TESK2: variants seen among roughly 807,000 people sequenced by gnomAD.
TESK2 encodes the protein testis associated actin remodelling kinase 2.
Under a neutral mutation model 57.1 loss-of-function variants are expected in TESK2, and 39 were observed. The observed-to-expected ratio is 0.68, with a 90% CI of 0.53 to 0.89. The LOEUF is 0.89. TESK2 is among the 40% of genes least tolerant of loss of function. The pLI, the probability that TESK2 is intolerant of heterozygous loss-of-function variation, is 0.00. For synonymous variants in TESK2, 249 were observed against 267.9 expected (o/e 0.93, Z 0.69); for missense variants, 646 against 732.1 (o/e 0.88, Z 1.36).
chr1:45,391,652 G>A (rs1023526551), intron 3 of TESK2, among the ~76,000 whole-genome samples: 5 of 152,014 alleles, frequency 3.3e-5, no homozygotes, highest in Non-Finnish European at 7.4e-5. Context: ...TCCTTGAATT[G>A]GAATACTATA....
intron 1 of TESK2, among the ~76,000 whole-genome samples, chr1:45,471,132 G>A (rs1652747673): frequency 6.6e-6 from 1 of 152,066 alleles, no homozygotes; most frequent in Non-Finnish European, 1.5e-5. Flanking sequence ...TCAGGAGGCT[G>A]AGGCAGAAGA....
chr1:45,425,917 G>C (rs1650672056), intron 2 of TESK2, among the ~76,000 whole-genome samples: 1 of 151,992 alleles, frequency 6.6e-6, no homozygotes, highest in Admixed American at 6.6e-5. Context: ...GGCCGAGGTG[G>C]GTGGATCACC....
At chr1:45,451,962 G>A (rs752894125) in intron 2 of TESK2, among the ~76,000 whole-genome samples, 12 of 147,230 alleles carry the variant, frequency 8.2e-5, no homozygotes, top group Non-Finnish European at 1.6e-4. Context: ...GAATCCGGGA[G>A]GCAGAGGTTG....
In TESK2 at chr1:45,346,699, G is replaced by A. The variant is rs969513226; in HGVS notation, c.873C>T (p.Cys291=). The change falls in exon 9 of 11, where the codon TGC becomes TGT. Residue 291 remains cysteine, a synonymous_variant. Coordinates refer to ENST00000372086, the MANE Select transcript of TESK2 (RefSeq NM_007170.3). ...PPDFLQLTFN[C]CNMDPKLRPS... ...GAGGGAGAAAGACACTCACGTTACA[G>A]CAGTTGAAAGTAAGTTGCAGAAAAT... The A allele has an allele frequency of 6.2e-7, 1 of 1,613,104 alleles. No individual in the cohort carries two copies. The highest frequency in any genetic ancestry group is 1.3e-5 in the African/African-American group (1 of 74,894).
At chr1:45,439,531 C>T (rs1651356234) in intron 2 of TESK2, among the ~76,000 whole-genome samples, 1 of 152,132 alleles carries the variant, frequency 6.6e-6, no homozygotes, top group Non-Finnish European at 1.5e-5. Context: ...TATTCTAATG[C>T]TTTACGCATA....
intron 1 of TESK2, among the ~76,000 whole-genome samples, chr1:45,473,589 A>G (rs1239015953): frequency 6.6e-6 from 1 of 152,216 alleles, no homozygotes; most frequent in Admixed American, 6.6e-5. Context: ...AGAGCTCACT[A>G]CAGTAGTCTG....
chr1:45,345,804 C>T (rs1647134560), intron 10 of TESK2, 73 bp downstream of exon 10: 1 of 1,277,776 alleles, frequency 7.8e-7, no homozygotes. Context: ...AATCACAACC[C>T]TAAGAGGAGA....
At chr1:45,464,113 C>A (rs1391598800) in intron 1 of TESK2, among the ~76,000 whole-genome samples, 1 of 151,972 alleles carries the variant, frequency 6.6e-6, no homozygotes, top group Admixed American at 6.6e-5. Flanking sequence ...ATCTGTAGAT[C>A]GTTTTAGGTA....
chr1:45,436,008 A>T (rs1651194295), intron 2 of TESK2, among the ~76,000 whole-genome samples: 1 of 151,928 alleles, frequency 6.6e-6, no homozygotes, highest in South Asian at 2.1e-4. Context: ...TACAAATATC[A>T]TGCTGTTGTG....
intron 3 of TESK2, among the ~76,000 whole-genome samples, chr1:45,396,529 C>T (rs1649365919): frequency 6.6e-6 from 1 of 151,818 alleles, no homozygotes; most frequent in Non-Finnish European, 1.5e-5. Flanking sequence ...CACTCTGTTG[C>T]CCACGCTGGA....
chr1:45,357,075 A>T (rs1323528059), intron 4 of TESK2, among the ~76,000 whole-genome samples: 1 of 151,972 alleles, frequency 6.6e-6, no homozygotes, highest in Non-Finnish European at 1.5e-5. Flanking sequence ...AGGCGTCTGT[A>T]ATCCCAGCTA....
chr1:45,387,677 A>G (rs1033327437), intron 3 of TESK2, among the ~76,000 whole-genome samples: 1 of 152,172 alleles, frequency 6.6e-6, no homozygotes, highest in African/African-American at 2.4e-5. Context: ...AACAAAGGAG[A>G]ATGCCTGGTT....
chr1:45,353,603 C>T (rs1194260900), intron 5 of TESK2, among the ~76,000 whole-genome samples: 2 of 152,128 alleles, frequency 1.3e-5, no homozygotes, highest in African/African-American at 2.4e-5. Context: ...AATATGTGTA[C>T]ATGTAGGTAT....
intron 3 of TESK2, among the ~76,000 whole-genome samples, chr1:45,397,944 A>C (rs1400077460): frequency 6.6e-6 from 1 of 152,112 alleles, no homozygotes; most frequent in African/African-American, 2.4e-5. Flanking sequence ...ATCTCACTCT[A>C]TCACTCAGGC....
chr1:45,423,883 C>T (rs1250940146), intron 2 of TESK2, among the ~76,000 whole-genome samples: 1 of 152,150 alleles, frequency 6.6e-6, no homozygotes, highest in Non-Finnish European at 1.5e-5. Context: ...TGTTTTCACC[C>T]TGTAAATGTG....
intron 2 of TESK2, among the ~76,000 whole-genome samples, chr1:45,454,126 A>G (rs532251605): frequency 1.3e-5 from 2 of 152,230 alleles, no homozygotes; most frequent in Non-Finnish European, 2.9e-5. Flanking sequence ...AAAAAGTTAA[A>G]CATAGATTGA....
chr1:45,433,860 A>G (rs1007779687), intron 2 of TESK2, among the ~76,000 whole-genome samples: 17 of 152,156 alleles, frequency 1.1e-4, no homozygotes, highest in African/African-American at 4.1e-4. Context: ...AGACATCTCC[A>G]TACTGTTTTC....
chr1:45,416,277 G>T (rs559527186), intron 3 of TESK2, among the ~76,000 whole-genome samples: 3 of 150,022 alleles, frequency 2.0e-5, no homozygotes, highest in South Asian at 2.1e-4. Context: ...GAGAAAACAA[G>T]GTTTTCTCTA....
At chr1:45,364,673 C>T (rs934407765) in intron 4 of TESK2, among the ~76,000 whole-genome samples, 6 of 152,190 alleles carry the variant, frequency 3.9e-5, no homozygotes, top group Non-Finnish European at 7.3e-5. Flanking sequence ...GGTACTGCAA[C>T]AGCCAGATGA....
Sources: allele counts gnomAD v4.1 joint callset (sites outside exome capture counted in the v4.1 genomes callset), GRCh38; gene constraint gnomAD v4.1.1; transcripts MANE v1.5; gene names NCBI Gene and HGNC (gene_info 2026-07-23, HGNC 2026-07-21).